Variants in LCTL observed in about 807,000 individuals in gnomAD.
LCTL encodes the protein lactase like, also known as lactase-like protein.
In LCTL, 76 loss-of-function variants were observed where a neutral mutation model predicts 75.8. That is an observed-to-expected ratio of 1.00 (90% CI 0.83 to 1.21). The LOEUF (loss-of-function observed/expected upper bound fraction) is 1.21. Among genes scored for constraint, LCTL ranks in the 50% most tolerant of loss-of-function variants. LCTL has a pLI of 0.00. For synonymous variants in LCTL, 271 were observed against 268.8 expected (o/e 1.01, Z -0.08); for missense variants, 670 against 712.4 (o/e 0.94, Z 0.68).
intron 8 of LCTL, among the ~76,000 whole-genome samples, chr15:66,556,656 C>T (rs566098415): frequency 1.3e-5 from 2 of 152,242 alleles, no homozygotes; most frequent in African/African-American, 2.4e-5. Flanking sequence ...TGACATATTA[C>T]AAAATGGATG....
In LCTL at chr15:66,563,632, G is replaced by A; in HGVS notation, c.371-7C>T. 6.3e-7 allele frequency: 1 copy of A among 1,591,882 alleles called. No homozygotes were observed. Among genetic ancestry groups the A allele is most frequent in the Non-Finnish European group, 8.6e-7 (1 of 1,162,158 alleles). The stretch of plus-strand genomic sequence containing the variant: ...TTCTTGTTCACCTGCTCGGCTGCAG[G>A]TGAAATAAAAGAAGATGCTACCAGA... On this transcript the variant is annotated splice_polypyrimidine_tract_variant and splice_region_variant and intron_variant, in intron 3 of 12. Coordinates refer to ENST00000341509, the Ensembl canonical transcript of LCTL.
chr15:66,565,618 G>C (rs181469879), upstream of LCTL: 1 of 474,686 alleles, frequency 2.1e-6, no homozygotes, highest in African/African-American at 2.0e-5. Context: ...CCTGTCTGAT[G>C]GGGGAGACCC....
Position 66,552,040 on chromosome 15 carries a change from C to T in LCTL, c.1324+3G>A, listed in dbSNP as rs771550979. ...CTGCAGACAATCTTGGTTTGTGTCT[C>T]ACCTTTTAGCATTTCATTTATGTAT... is the stretch of plus-strand genomic sequence containing the variant. On this transcript the variant is annotated splice_donor_region_variant and intron_variant, in intron 10 of 12. Transcript: ENST00000341509. 2.5e-6 allele frequency: 4 copies of T among 1,607,778 alleles called. No individual in the cohort carries two copies. The highest frequency in any genetic ancestry group is 3.4e-6 in the Non-Finnish European group (4 of 1,178,016).
chr15:66,560,598 A>G (rs1355994267), intron 6 of LCTL, among the ~76,000 whole-genome samples: 5 of 152,044 alleles, frequency 3.3e-5, no homozygotes, highest in Non-Finnish European at 7.4e-5. Flanking sequence ...CAAAATTCCC[A>G]GGTTCTTTGA....
At chr15:66,560,708 G>T (rs531125918) in intron 6 of LCTL, among the ~76,000 whole-genome samples, 31 of 152,192 alleles carry the variant, frequency 2.0e-4, no homozygotes, top group Non-Finnish European at 3.7e-4. Context: ...CCCCTGGCTC[G>T]CTGTCACACC....
At chr15:66,557,877 A>C in exon 8 of LCTL, 1 of 1,613,792 alleles carries the variant, frequency 6.2e-7, no homozygotes, top group Non-Finnish European at 8.5e-7. Context: ...TGAAATTCCC[A>C]CCAGACCTTA....
At chr15:66,558,961 GC>G (rs973899889) in intron 6 of LCTL, among the ~76,000 whole-genome samples, 5 of 151,860 alleles carry the variant, frequency 3.3e-5, no homozygotes, top group African/African-American at 1.2e-4. Flanking sequence ...CTCCCAAAGT[GC>G]TGGAATTGCA....
At chr15:66,557,369 A>G (rs1420385789) in intron 8 of LCTL, among the ~76,000 whole-genome samples, 1 of 152,152 alleles carries the variant, frequency 6.6e-6, no homozygotes, top group Non-Finnish European at 1.5e-5. Flanking sequence ...AAGAACCGAC[A>G]ATAGAAGTGA....
At chr15:66,550,498 A>G (rs1895556627) in intron 11 of LCTL, among the ~76,000 whole-genome samples, 1 of 152,172 alleles carries the variant, frequency 6.6e-6, no homozygotes, top group South Asian at 2.1e-4. Context: ...TTCATTTTTT[A>G]GAAACAGAGT....
Position 66,550,060 on chromosome 15 carries a change from G to A in LCTL, c.1569C>T (p.Asn523=), listed in dbSNP as rs1039744390. 3 of 1,604,610 alleles carry A rather than the reference G, an allele frequency of 1.9e-6. No homozygotes were observed. The African/African-American group carries it at 4.0e-5, about 22-fold the overall frequency. The change falls in exon 12 of 13, where the codon AAC becomes AAT. Residue 523 remains asparagine (N), a synonymous_variant. Coordinates refer to ENST00000341509, the Ensembl canonical transcript of LCTL. ...ACTCACCTGCAGCAAGCATCTGATT[G>A]TTGATAGAGCAAGTTTCCAAAGCTT... is the stretch of plus-strand genomic sequence containing the variant.
intron 8 of LCTL, among the ~76,000 whole-genome samples, chr15:66,556,223 A>G (rs1895735247): frequency 6.6e-6 from 1 of 152,238 alleles, no homozygotes; most frequent in Non-Finnish European, 1.5e-5. Context: ...AGCATTATTC[A>G]CAATAGCTAA....
intron 8 of LCTL, among the ~76,000 whole-genome samples, chr15:66,555,476 G>T (rs1192770314): frequency 1.3e-5 from 2 of 152,092 alleles, no homozygotes; most frequent in Middle Eastern, 6.8e-3. Flanking sequence ...GGGAGGCAGA[G>T]GTTGCAGTGA....
At chr15:66,565,766 C>T (rs1453243593), upstream of LCTL, 4 of 185,070 alleles carry the variant, frequency 2.2e-5, no homozygotes, top group South Asian at 1.2e-4. Flanking sequence ...TCCCCCAAGC[C>T]GGGGTTGCCC....
chr15:66,561,042 G>A (rs1159870526), exon 6 of LCTL: 4 of 1,614,020 alleles, frequency 2.5e-6, no homozygotes, highest in Non-Finnish European at 3.4e-6. Flanking sequence ...ACAGGCCGGT[G>A]CCGCGGAGCT....
chr15:66,548,739 G>A (rs1399426533), intron 12 of LCTL, 134 bp from the exon 14 acceptor site: 5 of 499,340 alleles, frequency 1.0e-5, no homozygotes, highest in African/African-American at 1.9e-5. Flanking sequence ...ATTCTTATTT[G>A]CCATGAAATA....
rs765826907 is a variant in LCTL at position 66,548,580 on chromosome 15, C to T, written c.1614G>A (p.Met538Ile). The change falls in exon 13 of 13, where the codon ATG becomes ATA. Residue 538 changes from methionine to isoleucine, a missense_variant. Transcript: ENST00000341509. ...CAGTGGGTACCACGATCTCCGTAAC[C>T]ATTTGCATGTGACTTAGCAAGGGCT... is the stretch of plus-strand genomic sequence containing the variant. 3.7e-6 allele frequency: 6 copies of T among 1,610,684 alleles called. No homozygotes were observed. In the Admixed American group the frequency reaches 1.0e-4, roughly 27 times the overall value.
Position 66,553,263 on chromosome 15 carries a change from T to A in LCTL, c.923-5A>T. On this transcript the variant is annotated splice_region_variant and splice_polypyrimidine_tract_variant and intron_variant, in intron 8 of 12. Transcript: ENST00000341509. The stretch of plus-strand genomic sequence containing the variant: ...CTTGCTCTGCACTCTTTCTTCCTTT[T>A]GAGAGAGAAAAGTAGAATTTAACAA... The A allele has an allele frequency of 6.5e-7, 1 of 1,534,484 alleles. No homozygotes were observed. The highest frequency in any genetic ancestry group is 2.4e-5 in the East Asian group (1 of 42,502).
In LCTL at chr15:66,563,629, C is replaced by A. The variant is rs1325010639; in HGVS notation, c.371-4G>T. ...CCCTTCTTGTTCACCTGCTCGGCTGCAGGTGAAATAAAAGAAGATGCTACC... is the reference window on the plus strand; with the variant it reads ...CCCTTCTTGTTCACCTGCTCGGCTGAAGGTGAAATAAAAGAAGATGCTACC... On this transcript the variant is annotated splice_polypyrimidine_tract_variant and splice_region_variant and intron_variant, in intron 3 of 12. Coordinates refer to ENST00000341509, the Ensembl canonical transcript of LCTL. 6.3e-7 allele frequency: 1 copy of A among 1,595,502 alleles called. No individual in the cohort carries two copies. The highest frequency in any genetic ancestry group is 1.1e-5 in the South Asian group (1 of 90,278).
At chr15:66,563,208 G>A (rs946544294) in intron 4 of LCTL, among the ~76,000 whole-genome samples, 1 of 152,188 alleles carries the variant, frequency 6.6e-6, no homozygotes, top group Non-Finnish European at 1.5e-5. Flanking sequence ...CTTGGAAGCA[G>A]AGACTGGGGC....
Sources: gnomAD v4.1 joint callset for allele counts (sites outside exome capture counted in the v4.1 genomes callset) on GRCh38, gnomAD v4.1.1 for gene constraint, MANE v1.5 for transcripts, NCBI Gene and HGNC (gene_info 2026-07-23, HGNC 2026-07-21) for gene names.